The following COL24A1 variants were observed in gnomAD, a reference collection of about 807,000 sequenced individuals.
COL24A1 encodes collagen alpha-1(XXIV) chain.
In COL24A1, 224 loss-of-function variants were observed where a neutral mutation model predicts 253.9. The observed-to-expected ratio is 0.88, with a 90% CI of 0.79 to 0.99. COL24A1 has a LOEUF of 0.99. COL24A1 is among the 50% of genes least tolerant of loss of function. The probability of loss-of-function intolerance (pLI) is 0.00; values close to 1 mark genes in which losing one functional copy is unlikely to be tolerated. For missense variants in COL24A1, 2,131 were observed against 2,068.5 expected (o/e 1.03, Z -0.59); for synonymous variants, 685 against 673.7 (o/e 1.02, Z -0.26).
intron 38 of COL24A1, 35 bp from the exon 39 acceptor site, chr1:85,847,807 A>G (rs1184178666): frequency 7.2e-7 from 1 of 1,394,884 alleles, no homozygotes; most frequent in Non-Finnish European, 1.0e-6. Flanking sequence ...AAAAGCAAGA[A>G]AAAAATTTAT....
intron 1 of COL24A1, among the ~76,000 whole-genome samples, chr1:86,152,142 G>A (rs906250760): frequency 4.6e-5 from 7 of 152,160 alleles, no homozygotes; most frequent in African/African-American, 1.4e-4. Flanking sequence ...GATTCAGGGA[G>A]CAAAGTAGTA....
chr1:85,870,832 A>C (rs2102543798), intron 35 of COL24A1, among the ~76,000 whole-genome samples: 1 of 152,338 alleles, frequency 6.6e-6, no homozygotes, highest in South Asian at 2.1e-4. Flanking sequence ...ACCGAAGGCA[A>C]GAAACAACTA....
chr1:85,927,389 C>T (rs1486837936), intron 24 of COL24A1, among the ~76,000 whole-genome samples: 3 of 149,582 alleles, frequency 2.0e-5, no homozygotes, highest in East Asian at 2.0e-4. Flanking sequence ...TAAGAAACGG[C>T]GCACCACGAG....
intron 14 of COL24A1, among the ~76,000 whole-genome samples, chr1:86,023,581 C>G (rs2101374358): frequency 6.6e-6 from 1 of 152,128 alleles, no homozygotes; most frequent in South Asian, 2.1e-4. Flanking sequence ...TTAATATTTA[C>G]TAAGCATAAT....
At chr1:86,021,231 T>C (rs186717579) in intron 18 of COL24A1, among the ~76,000 whole-genome samples, 12 of 152,202 alleles carry the variant, frequency 7.9e-5, no homozygotes, top group African/African-American at 2.7e-4. Flanking sequence ...TAAATTATAA[T>C]CCTATATGTA....
chr1:85,921,588 T>C (rs1686504277), intron 24 of COL24A1, among the ~76,000 whole-genome samples: 2 of 152,148 alleles, frequency 1.3e-5, no homozygotes, highest in African/African-American at 4.8e-5. Context: ...GGGACCTGAC[T>C]CTTAGAAGGA....
intron 47 of COL24A1, among the ~76,000 whole-genome samples, chr1:85,800,117 T>G (rs781019643): frequency 2.0e-5 from 3 of 152,216 alleles, no homozygotes; most frequent in Non-Finnish European, 4.4e-5. Flanking sequence ...GGTTTTGTTG[T>G]CTAATTCATA....
At chr1:85,769,668 C>T (rs1442285305) in intron 53 of COL24A1, among the ~76,000 whole-genome samples, 1 of 152,132 alleles carries the variant, frequency 6.6e-6, no homozygotes, top group Non-Finnish European at 1.5e-5. Context: ...TGTAATCAGG[C>T]TGCAGAATCT....
At chr1:85,800,927 A>G (rs1408028832) in intron 47 of COL24A1, among the ~76,000 whole-genome samples, 1 of 152,222 alleles carries the variant, frequency 6.6e-6, no homozygotes, top group Admixed American at 6.5e-5. Flanking sequence ...AATTAAAAAA[A>G]TGGGATAAAG....
intron 38 of COL24A1, 52 bp from the exon 39 acceptor site, chr1:85,847,824 A>T (rs769659903): frequency 8.8e-7 from 1 of 1,135,676 alleles, no homozygotes; most frequent in South Asian, 1.3e-5. Flanking sequence ...TTATACTTAG[A>T]TTAATTAACT....
chr1:85,889,669 C>G, intron 31 of COL24A1, 56 bp from the exon 32 acceptor site: 1 of 1,466,238 alleles, frequency 6.8e-7, no homozygotes, highest in East Asian at 2.3e-5. Flanking sequence ...ATGTTTTAGA[C>G]ACTTTCCTTA....
At chr1:85,843,252 G>A (rs952376478) in intron 39 of COL24A1, among the ~76,000 whole-genome samples, 1 of 152,024 alleles carries the variant, frequency 6.6e-6, no homozygotes, top group African/African-American at 2.4e-5. Flanking sequence ...TAAATTCCCA[G>A]CTCTAAAAAT....
chr1:85,734,261 G>A (rs1033023853), intron 59 of COL24A1, among the ~76,000 whole-genome samples: 2 of 152,110 alleles, frequency 1.3e-5, no homozygotes, highest in Admixed American at 6.5e-5. Context: ...TACTGGTGGG[G>A]CCAGTCAATA....
intron 59 of COL24A1, among the ~76,000 whole-genome samples, chr1:85,732,265 C>T (rs1329945362): frequency 3.3e-5 from 5 of 149,302 alleles, no homozygotes; most frequent in Non-Finnish European, 5.9e-5. Flanking sequence ...GAGTCTCACT[C>T]GGTCGCCCAG....
At chr1:86,015,568 T>G (rs1696912211) in intron 19 of COL24A1, among the ~76,000 whole-genome samples, 1 of 152,118 alleles carries the variant, frequency 6.6e-6, no homozygotes, top group Non-Finnish European at 1.5e-5. Context: ...AGTGTACATA[T>G]CACCTGTAAC....
chr1:85,870,350 A>C (rs1438939498), intron 35 of COL24A1, among the ~76,000 whole-genome samples: 1 of 152,226 alleles, frequency 6.6e-6, no homozygotes, highest in Non-Finnish European at 1.5e-5. Flanking sequence ...AGCAGACCTA[A>C]TAGACATCTA....
chr1:85,861,117 A>C (rs907782539), intron 37 of COL24A1, among the ~76,000 whole-genome samples: 1 of 152,210 alleles, frequency 6.6e-6, no homozygotes, highest in African/African-American at 2.4e-5. Flanking sequence ...ATATCTCATC[A>C]GCAATGTATA....
intron 28 of COL24A1, among the ~76,000 whole-genome samples, chr1:85,905,343 T>C (rs895798017): frequency 6.6e-6 from 1 of 152,084 alleles, no homozygotes; most frequent in Non-Finnish European, 1.5e-5. Flanking sequence ...GTATTGGGAT[T>C]ACAGCCCTAG....
chr1:85,891,318 C>A (rs920908564), intron 31 of COL24A1, among the ~76,000 whole-genome samples: 2 of 151,694 alleles, frequency 1.3e-5, no homozygotes, highest in Non-Finnish European at 2.9e-5. Flanking sequence ...CCCGCCTTGG[C>A]CTCCCAAAGT....
Sources: gnomAD v4.1 joint callset for allele counts (sites outside exome capture counted in the v4.1 genomes callset) on GRCh38, gnomAD v4.1.1 for gene constraint, MANE v1.5 for transcripts, NCBI Gene and HGNC (gene_info 2026-07-23, HGNC 2026-07-21) for gene names.